The following NOC3L variants were observed in gnomAD, a reference collection of about 807,000 sequenced individuals.
NOC3L encodes NOC3 like DNA replication regulator, also known as nucleolar complex protein 3 homolog.
Under a neutral mutation model 102.5 loss-of-function variants are expected in NOC3L, and 85 were observed. That is an observed-to-expected ratio of 0.83 (90% confidence interval 0.70 to 0.99). The LOEUF is 0.99. NOC3L is among the 50% of genes least tolerant of loss of function. The pLI, the probability that NOC3L is intolerant of heterozygous loss-of-function variation, is 0.00. For synonymous variants in NOC3L, 303 were observed against 309.4 expected (o/e 0.98, Z 0.22); for missense variants, 878 against 914.9 (o/e 0.96, Z 0.52).
At chr10:94,355,169 A>G in intron 5 of NOC3L, 76 bp from the exon 6 acceptor site, 1 of 1,271,634 alleles carries the variant, frequency 7.9e-7, no homozygotes, top group Non-Finnish European at 1.1e-6. Flanking sequence ...ATATTTTTAC[A>G]GTAATAATAA....
At chr10:94,340,517 G>C in intron 14 of NOC3L, 21 bp from the exon 15 acceptor site, 2 of 1,143,254 alleles carry the variant, frequency 1.7e-6, no homozygotes, top group Non-Finnish European at 1.2e-6. Flanking sequence ...AAAAGGGGGG[G>C]GTGAGGGGGA....
At chr10:94,349,106 AT>A in intron 10 of NOC3L, 143 bp downstream of exon 10, 1 of 819,190 alleles carries the variant, frequency 1.2e-6, no homozygotes. Context: ...AGTATCAAAC[AT>A]TTCAGGAGTT....
At chr10:94,351,825 G>A (rs1440943962) in intron 8 of NOC3L, among the ~76,000 whole-genome samples, 1 of 152,034 alleles carries the variant, frequency 6.6e-6, no homozygotes, top group Non-Finnish European at 1.5e-5. Flanking sequence ...ACCACGCCTG[G>A]CCTCTAGTTA....
At chr10:94,337,311 TCTC>T (rs1225578617) in intron 19 of NOC3L, among the ~76,000 whole-genome samples, 2 of 147,684 alleles carry the variant, frequency 1.4e-5, no homozygotes, top group Non-Finnish European at 3.0e-5. Context: ...TTTTCTTCCC[TCTC>T]CTCATTTTTT....
At chr10:94,357,125 C>T in intron 4 of NOC3L, 49 bp downstream of exon 4, 1 of 1,318,828 alleles carries the variant, frequency 7.6e-7, no homozygotes, top group Admixed American at 2.7e-5. Context: ...AACATGATAT[C>T]AGTAAGGGGG....
chr10:94,351,168 G>T (rs2054411656), intron 8 of NOC3L, among the ~76,000 whole-genome samples: 2 of 152,120 alleles, frequency 1.3e-5, no homozygotes, highest in Admixed American at 1.3e-4. Context: ...CCCTCTCACT[G>T]GAAGAACAAA....
At chr10:94,317,309 AAAAT>A in the NOC3L span, among the ~76,000 whole-genome samples, 1 of 152,212 alleles carries the variant, frequency 6.6e-6, no homozygotes, top group Non-Finnish European at 1.5e-5. Context: ...TTCCATTTTA[AAAAT>A]AAATAAAAAC....
Position 94,355,095 on chromosome 10 carries a change from TA to T in NOC3L, c.566-3del. 1 of 1,608,156 alleles carries T rather than the reference TA, an allele frequency of 6.2e-7. No individual in the cohort carries two copies. The highest frequency in any genetic ancestry group is 8.5e-7 in the Non-Finnish European group (1 of 1,176,798). On this transcript the variant is annotated splice_region_variant and splice_polypyrimidine_tract_variant and intron_variant, in intron 5 of 20. Coordinates refer to ENST00000371361, the MANE Select transcript of NOC3L (RefSeq NM_022451.11). ...CTTGAATAGGATCTTCAATGATCTC[TA>T]AAACAGATTAGATGTTCCCTTACAT... is the stretch of plus-strand genomic sequence containing the variant.
intron 10 of NOC3L, among the ~76,000 whole-genome samples, chr10:94,348,725 T>G (rs1280497602): frequency 6.6e-6 from 1 of 152,192 alleles, no homozygotes; most frequent in Non-Finnish European, 1.5e-5. Flanking sequence ...TTAAATGTTT[T>G]TGAACAACAA....
chr10:94,358,699 T>C (rs956644068), intron 2 of NOC3L, among the ~76,000 whole-genome samples: 3 of 152,164 alleles, frequency 2.0e-5, no homozygotes, highest in African/African-American at 7.2e-5. Flanking sequence ...CACCCCTCTC[T>C]CTGACCACAA....
intron 12 of NOC3L, 72 bp downstream of exon 12, chr10:94,344,781 C>A (rs957989026): frequency 7.1e-6 from 9 of 1,272,084 alleles, no homozygotes; most frequent in Non-Finnish European, 8.8e-6. Context: ...CAGCTACAAG[C>A]TGAAACAATA....
intron 1 of NOC3L, 100 bp from the exon 2 acceptor site, chr10:94,361,972 T>C (rs1190626115): frequency 1.9e-5 from 17 of 905,970 alleles, no homozygotes; most frequent in African/African-American, 4.9e-5. Flanking sequence ...ATTCCACAAT[T>C]TCAATGTCCC....
the NOC3L span, chr10:94,324,788 C>G: frequency 8.2e-7 from 1 of 1,221,704 alleles, no homozygotes; most frequent in Non-Finnish European, 1.2e-6. Context: ...CTACTCTCTC[C>G]AAAGCTCTAG....
Position 94,341,764 on chromosome 10 carries a change from G to T in NOC3L, c.1572-19C>A. 1 of 1,431,570 alleles carries T rather than the reference G, an allele frequency of 7.0e-7. No individual in the cohort carries two copies. Among genetic ancestry groups the T allele is most frequent in the Non-Finnish European group, 9.5e-7 (1 of 1,054,900 alleles). The allele number at this position is 1,431,570 out of a possible 1,614,324, so 88.7% of individuals were successfully genotyped here. A position where few individuals can be genotyped will look rare whatever the true frequency, so the allele number is the denominator to read the frequency against. On this transcript the variant is annotated intron_variant, in intron 13 of 20. Coordinates refer to ENST00000371361, the MANE Select transcript of NOC3L (RefSeq NM_022451.11). ...AGCAAACCTGGAATCAAACAAAACA[G>T]TTAATCAGTGAACTAAAAGCAGAAA...
At chr10:94,323,954 G>A in the NOC3L span, among the ~76,000 whole-genome samples, 1 of 152,158 alleles carries the variant, frequency 6.6e-6, no homozygotes, top group African/African-American at 2.4e-5. Context: ...GGACAGAGAC[G>A]CTCCTGAAGA....
intron 10 of NOC3L, 96 bp from the exon 11 acceptor site, chr10:94,346,652 G>A (rs3758524): frequency 0.02 from 12,807 of 645,558 alleles, 147 homozygotes; most frequent in South Asian, 0.042. Flanking sequence ...TATTTCCCTC[G>A]TTCATGAAAA....
downstream of NOC3L, chr10:94,332,476 C>T (rs2054170799): frequency 6.7e-6 from 1 of 150,172 alleles, no homozygotes; most frequent in African/African-American, 2.5e-5. Context: ...AAGGCTGTAG[C>T]TTAATATAGC....
In NOC3L at chr10:94,334,013, G is replaced by C. The variant is rs2054188723; in HGVS notation, c.*164C>G. The C allele has an allele frequency of 6.5e-6, 3 of 461,298 alleles. No homozygotes were observed. The highest frequency in any genetic ancestry group is 1.1e-5 in the Non-Finnish European group (3 of 262,014). 28.6% of individuals were successfully genotyped at this position (461,298 alleles called of 1,614,324 possible). ...TGATGGAATGACATATTCAGAATAG[G>C]GGCAGAACCCTGTGCCATGCAAAGG... On this transcript the variant is annotated 3_prime_UTR_variant, in exon 21 of 21. Coordinates refer to ENST00000371361, the MANE Select transcript of NOC3L (RefSeq NM_022451.11).
rs182908376 is a variant in NOC3L at position 94,339,972 on chromosome 10, G to A, written c.1781-52C>T. ...GCTGTTCTCATTACTTTTTCATTAC[G>A]CAACTGGACTGAACTTCAGATAAAC... is the stretch of plus-strand genomic sequence containing the variant. On this transcript the variant is annotated intron_variant, in intron 16 of 20. Transcript: ENST00000371361. 629 of 1,469,484 alleles carry A rather than the reference G, an allele frequency of 4.3e-4. 1 individual carries two copies. The highest frequency in any genetic ancestry group is 1.2e-3 in the Middle Eastern group (7 of 5,674). 91.0% of individuals were successfully genotyped at this position (1,469,484 alleles called of 1,614,324 possible).
Sources: allele counts gnomAD v4.1 joint callset (sites outside exome capture counted in the v4.1 genomes callset), GRCh38; gene constraint gnomAD v4.1.1; transcripts MANE v1.5; gene names NCBI Gene and HGNC (gene_info 2026-07-23, HGNC 2026-07-21).